Variants in CELF5 observed in about 807,000 individuals in gnomAD.
CELF5 encodes the protein CUG-BP and ETR-3 like factor 5.
Under a neutral mutation model 54.9 loss-of-function variants are expected in CELF5, and 6 were observed. That is an observed-to-expected ratio of 0.11 (90% CI 0.06 to 0.22). The LOEUF (loss-of-function observed/expected upper bound fraction) is 0.22, where lower values mean the gene tolerates loss of function less well. Ranked by LOEUF, CELF5 falls within the 10% of genes least tolerant of loss-of-function variation. The pLI, the probability that CELF5 is intolerant of heterozygous loss-of-function variation, is 1.00. For synonymous variants in CELF5, 271 were observed against 290.9 expected (o/e 0.93, Z 0.70); for missense variants, 401 against 678.6 (o/e 0.59, Z 4.54).
In CELF5 at chr19:3,278,133, C is replaced by A; in HGVS notation, c.603+23C>A. 1.7e-6 allele frequency: 1 copy of A among 580,326 alleles called. No individual in the cohort carries two copies. Among genetic ancestry groups the A allele is most frequent in the Non-Finnish European group, 3.2e-6 (1 of 313,606 alleles). The allele number at this position is 580,326 out of a possible 1,614,324, so 35.9% of individuals were successfully genotyped here. ...CCGGTGAGTTGGAGCTGCCCTTGGCCGTGGGGGTGGGGGTGGGAAAGGGGT... is the reference window on the plus strand; with the variant it reads ...CCGGTGAGTTGGAGCTGCCCTTGGCAGTGGGGGTGGGGGTGGGAAAGGGGT... On this transcript the variant is annotated intron_variant, in intron 5 of 12. Transcript: ENST00000292672. This position sits in a 1 kb window ranked among gnomAD's most constrained non-coding sequence, Gnocchi z 4.5.
intron 2 of CELF5, among the ~76,000 whole-genome samples, chr19:3,258,027 C>G (rs2079755934): frequency 6.6e-6 from 1 of 151,346 alleles, no homozygotes; most frequent in Admixed American, 6.6e-5. Context: ...ATGGCACGAT[C>G]TGTGCTCACT....
chr19:3,253,468 A>G (rs1568340477), intron 2 of CELF5, among the ~76,000 whole-genome samples: 1 of 152,188 alleles, frequency 6.6e-6, no homozygotes, highest in Admixed American at 6.6e-5. Flanking sequence ...GCTTCTCCAC[A>G]GTGCTGCTTG....
intron 1 of CELF5, chr19:3,225,695 G>A (rs1378479524): frequency 3.1e-6 from 2 of 650,564 alleles, no homozygotes; most frequent in Admixed American, 6.3e-5. Context: ...GGGTGGCGGA[G>A]AGGCTCCCGT....
chr19:3,279,742 G>A (rs770387408), intron 5 of CELF5, among the ~76,000 whole-genome samples: 53 of 152,116 alleles, frequency 3.5e-4, no homozygotes, highest in Non-Finnish European at 1.0e-4. Context: ...TCGCTCTGTC[G>A]CCCAGGTTGG....
chr19:3,286,229 C>G, intron 10 of CELF5: 1 of 510,022 alleles, frequency 2.0e-6, no homozygotes, highest in Non-Finnish European at 3.4e-6. Flanking sequence ...AAAAGAGAAC[C>G]ATGCTCGCCC....
chr19:3,246,221 G>C (rs562803084), intron 1 of CELF5, among the ~76,000 whole-genome samples: 1 of 152,060 alleles, frequency 6.6e-6, no homozygotes, highest in Non-Finnish European at 1.5e-5. Flanking sequence ...AAAGTTAGCC[G>C]GGCATGGTGG....
intron 2 of CELF5, among the ~76,000 whole-genome samples, chr19:3,256,409 C>T (rs1354958354): frequency 6.6e-6 from 1 of 152,088 alleles, no homozygotes; most frequent in Non-Finnish European, 1.5e-5. Context: ...TCAGCATTTA[C>T]TGAGCATCTG....
At chr19:3,287,396 C>G (rs2080271002) in intron 10 of CELF5, among the ~76,000 whole-genome samples, 1 of 143,464 alleles carries the variant, frequency 7.0e-6, no homozygotes, top group Admixed American at 7.0e-5. Flanking sequence ...CCCATCTCTA[C>G]TAAAAATACA....
At chr19:3,230,630 A>G (rs1917209678) in intron 1 of CELF5, among the ~76,000 whole-genome samples, 1 of 152,152 alleles carries the variant, frequency 6.6e-6, no homozygotes, top group South Asian at 2.1e-4. Context: ...GAGCCATGGA[A>G]GAGTTTAGAG....
At chr19:3,267,291 C>A (rs903695466) in intron 2 of CELF5, among the ~76,000 whole-genome samples, 13 of 152,298 alleles carry the variant, frequency 8.5e-5, no homozygotes, top group Admixed American at 3.9e-4. Context: ...GGCAACCCCC[C>A]CGTTTCCGGT....
chr19:3,237,478 G>A (rs1194711034), intron 1 of CELF5, among the ~76,000 whole-genome samples: 1 of 152,154 alleles, frequency 6.6e-6, no homozygotes, highest in African/African-American at 2.4e-5. Flanking sequence ...GCAGTTCCTG[G>A]AGCTGAAGGG....
chr19:3,290,286 G>A lies in CELF5; in HGVS notation c.1242G>A (p.Thr414=), dbSNP rs780094368. ...ACCTCCCCCAGGAGTTTGGAGACAC[G>A]GAGCTGACGCAGATGTTCCTACCCT... The part of the protein sequence containing the change: ...IYHLPQEFGD[T]ELTQMFLPFG... Residue 414 remains threonine, a synonymous_variant, in exon 11 of 13, where the codon ACG becomes ACA. Transcript: ENST00000292672. 2 of 1,613,884 alleles carry A rather than the reference G, an allele frequency of 1.2e-6. No individual in the cohort carries two copies. Among genetic ancestry groups the A allele is most frequent in the Non-Finnish European group, 1.7e-6 (2 of 1,179,860 alleles).
Position 3,278,135 on chromosome 19 carries a change from T to A in CELF5, c.603+25T>A. 1 of 766,102 alleles carries A rather than the reference T, an allele frequency of 1.3e-6. No individual in the cohort carries two copies. The highest frequency in any genetic ancestry group is 2.0e-6 in the Non-Finnish European group (1 of 488,224). 47.5% of individuals were successfully genotyped at this position (766,102 alleles called of 1,614,324 possible). A position where few individuals can be genotyped will look rare whatever the true frequency, so the allele number is the denominator to read the frequency against. On this transcript the variant is annotated intron_variant, in intron 5 of 12. Coordinates refer to ENST00000292672, the MANE Select transcript of CELF5 (RefSeq NM_021938.4). This position sits in a 1 kb window ranked among gnomAD's most constrained non-coding sequence, Gnocchi z 4.5. Reference sequence around the variant, plus strand: ...GGTGAGTTGGAGCTGCCCTTGGCCGTGGGGGTGGGGGTGGGAAAGGGGTGA... The same window carrying A: ...GGTGAGTTGGAGCTGCCCTTGGCCGAGGGGGTGGGGGTGGGAAAGGGGTGA...
rs775103507 is a variant in CELF5 at position 3,250,968 on chromosome 19, G to C, written c.260-17G>C. On this transcript the variant is annotated splice_polypyrimidine_tract_variant and intron_variant, in intron 1 of 12. Coordinates refer to ENST00000292672, the MANE Select transcript of CELF5 (RefSeq NM_021938.4). ...GTGCCCGTGCTCTCTTAACACCCCC[G>C]TTTCTCTCCCTTCCAGGCTGTGCCT... 3 of 1,608,274 alleles carry C rather than the reference G, an allele frequency of 1.9e-6. No individual in the cohort carries two copies. In the South Asian group the frequency reaches 3.3e-5, roughly 18 times the overall value.
At chr19:3,263,487 G>A (rs2079834968) in intron 2 of CELF5, among the ~76,000 whole-genome samples, 1 of 151,994 alleles carries the variant, frequency 6.6e-6, no homozygotes, top group Non-Finnish European at 1.5e-5. Flanking sequence ...CTTGAACCCG[G>A]GAGACGGAGG....
chr19:3,244,883 CTT>C (rs900061778), intron 1 of CELF5, among the ~76,000 whole-genome samples: 8 of 140,560 alleles, frequency 5.7e-5, no homozygotes, highest in African/African-American at 1.9e-4. Context: ...GTGTATGTGT[CTT>C]GTCTGCATAT....
chr19:3,285,882 C>A, intron 9 of CELF5, 60 bp from the exon 10 acceptor site: 1 of 1,333,934 alleles, frequency 7.5e-7, no homozygotes, highest in Non-Finnish European at 9.9e-7. Flanking sequence ...CCCAGCGGCC[C>A]AGGCCGCCCA....
intron 2 of CELF5, among the ~76,000 whole-genome samples, chr19:3,256,873 A>AT (rs1295752333): frequency 6.7e-6 from 1 of 149,988 alleles, no homozygotes; most frequent in Admixed American, 6.7e-5. Context: ...TGGCCTTATT[A>AT]TTTTTTTTCT....
At chr19:3,289,967 C>T (rs1255633066) in intron 10 of CELF5, among the ~76,000 whole-genome samples, 3 of 151,956 alleles carry the variant, frequency 2.0e-5, no homozygotes, top group Admixed American at 6.6e-5. Context: ...CAGGGGATCC[C>T]CTGGGTCTTG....
Sources: gnomAD v4.1 joint callset for allele counts (sites outside exome capture counted in the v4.1 genomes callset) on GRCh38, gnomAD v4.1.1 for gene constraint, Gnocchi (gnomAD v3.1) non-coding constraint, MANE v1.5 for transcripts, NCBI Gene and HGNC (gene_info 2026-07-23, HGNC 2026-07-21) for gene names.